KIF26A: variants seen among roughly 807,000 people sequenced by gnomAD.
The protein encoded by KIF26A is kinesin-like protein KIF26A.
A neutral mutation model predicts 126.0 loss-of-function variants in KIF26A; 74 were observed. The observed-to-expected ratio is 0.59, with a 90% CI of 0.49 to 0.71. The LOEUF (loss-of-function observed/expected upper bound fraction) is 0.71. Among genes scored for constraint, KIF26A ranks in the 30% least tolerant of loss-of-function variants. The pLI is 0.00. For synonymous variants in KIF26A, 1,445 were observed against 1,232.7 expected, an observed-to-expected ratio of 1.17 and a Z score of -3.61; for missense variants, 2,984 against 2,763.3, an observed-to-expected ratio of 1.08 and a Z score of -1.79.
chr14:104,167,055 G>A lies in KIF26A; in HGVS notation c.1113+7G>A, dbSNP rs183658978. The stretch of plus-strand genomic sequence containing the variant: ...CCCTGGCAGCATCGGGAAGGTAGAC[G>A]CAGCCCCGAGTTCGGGGCCCTGGGT... On this transcript the variant is annotated splice_region_variant and intron_variant, in intron 5 of 14. Coordinates refer to ENST00000423312, the MANE Select transcript of KIF26A (RefSeq NM_015656.2). 1.0e-3 allele frequency: 1,551 copies of A among 1,529,248 alleles called. 10 individuals carry two copies. In the African/African-American group the frequency reaches 0.016, roughly 16 times the overall value. The allele number at this position is 1,529,248 out of a possible 1,614,324, so 94.7% of individuals were successfully genotyped here.
chr14:104,163,804 C>T (rs1411388899), intron 4 of KIF26A, among the ~76,000 whole-genome samples: 9 of 151,892 alleles, frequency 5.9e-5, no homozygotes, highest in African/African-American at 7.2e-5. Flanking sequence ...CACCCGGCAT[C>T]GCCAGCATTT....
At chr14:104,178,464 C>T (rs556932226) in intron 12 of KIF26A, 86 bp from the exon 13 acceptor site, 484 of 1,032,212 alleles carry the variant, frequency 4.7e-4, no homozygotes, top group Middle Eastern at 1.7e-3. Flanking sequence ...TGTCAGGACT[C>T]GGGCCGGCTC....
Position 104,171,706 on chromosome 14 carries a change from G to A in KIF26A, c.1114-17G>A, listed in dbSNP as rs778311000. The A allele has an allele frequency of 3.0e-5, 46 of 1,544,542 alleles. No individual in the cohort carries two copies. Among genetic ancestry groups the A allele is most frequent in the Non-Finnish European group, 3.9e-5 (45 of 1,143,804 alleles). On this transcript the variant is annotated splice_polypyrimidine_tract_variant and intron_variant, in intron 5 of 14. Transcript: ENST00000423312. ...GGGCGGAGGCAGCTTCTCAGGTGCC[G>A]CCCACCTCTGCCCCAGGTGAAGGTT...
At chr14:104,146,214 G>A (rs554367755) in intron 2 of KIF26A, among the ~76,000 whole-genome samples, 1 of 152,344 alleles carries the variant, frequency 6.6e-6, no homozygotes, top group Admixed American at 6.5e-5. Flanking sequence ...GGCCCCTAGG[G>A]CTGTGCAGGG....
chr14:104,146,766 T>C (rs2037684003), intron 2 of KIF26A, among the ~76,000 whole-genome samples: 1 of 151,808 alleles, frequency 6.6e-6, no homozygotes, highest in Non-Finnish European at 1.5e-5. Context: ...GGGGTGAGGG[T>C]CTCCAAGGGG....
Position 104,173,153 on chromosome 14 carries a change from C to A in KIF26A, c.1597C>A (p.Leu533Met). Residue 533 changes from leucine to methionine, a missense_variant, in exon 8 of 15, where the codon CTG becomes ATG. Physicochemically the swap from Leu to Met is conservative, Grantham distance 15. Transcript: ENST00000423312. ...CGGGCGCGACCAGAGCCTGCGGGACCTGCTGGCCGAGGTGGCCCCTGGCAG... is the reference window on the plus strand; with the variant it reads ...CGGGCGCGACCAGAGCCTGCGGGACATGCTGGCCGAGGTGGCCCCTGGCAG... ...VCGRDQSLRD[L>M]LAEVAPGSLQ... The A allele has an allele frequency of 6.2e-7, 1 of 1,611,112 alleles. No homozygotes were observed. Among genetic ancestry groups the A allele is most frequent in the Non-Finnish European group, 8.5e-7 (1 of 1,179,304 alleles).
At chr14:104,169,603 T>A (rs2037938658) in intron 5 of KIF26A, among the ~76,000 whole-genome samples, 1 of 152,236 alleles carries the variant, frequency 6.6e-6, no homozygotes, top group African/African-American at 2.4e-5. Flanking sequence ...AAATGCCGCC[T>A]GAAAGGCGTT....
intron 12 of KIF26A, among the ~76,000 whole-genome samples, 174 bp from the exon 13 acceptor site, chr14:104,178,376 G>T (rs1252077289): frequency 6.6e-6 from 1 of 152,112 alleles, no homozygotes; most frequent in Non-Finnish European, 1.5e-5. Context: ...CTGTGGGCCT[G>T]GCTTGGGGTC....
At chr14:104,158,033 G>T (rs1294157624) in intron 4 of KIF26A, 91 bp downstream of exon 4, 2 of 1,236,420 alleles carry the variant, frequency 1.6e-6, no homozygotes, top group Non-Finnish European at 2.2e-6. Context: ...GTTCTTGGGG[G>T]ACCTCGGGCA....
chr14:104,159,931 G>A (rs2037818058), intron 4 of KIF26A, among the ~76,000 whole-genome samples: 1 of 152,166 alleles, frequency 6.6e-6, no homozygotes, highest in Non-Finnish European at 1.5e-5. Flanking sequence ...GTGGCTCTGA[G>A]TGGGGACGAG....
intron 4 of KIF26A, among the ~76,000 whole-genome samples, chr14:104,160,011 G>C (rs2037818826): frequency 6.6e-6 from 1 of 152,144 alleles, no homozygotes; most frequent in African/African-American, 2.4e-5. Context: ...GGTACCTTCT[G>C]TGCTCCCACC....
chr14:104,179,153 G>T (rs1030475185), intron 13 of KIF26A, 83 bp from the exon 14 acceptor site: 4 of 1,359,748 alleles, frequency 2.9e-6, no homozygotes, highest in Non-Finnish European at 3.8e-6. Context: ...CAGGTGAAGG[G>T]AGGCGGGGGC....
chr14:104,174,950 T>C, intron 11 of KIF26A, 32 bp from the exon 12 acceptor site: 1 of 1,488,976 alleles, frequency 6.7e-7, no homozygotes, highest in South Asian at 1.3e-5. Context: ...TAGGGGAGAC[T>C]GGGCTCGGCA....
intron 5 of KIF26A, among the ~76,000 whole-genome samples, chr14:104,170,335 A>G (rs528925827): frequency 6.6e-6 from 1 of 152,366 alleles, no homozygotes; most frequent in East Asian, 1.9e-4. Flanking sequence ...AATGGAGCCC[A>G]GGTTCTGAGT....
Position 104,166,929 on chromosome 14 carries a change from G to A in KIF26A, c.994G>A (p.Gly332Ser), listed in dbSNP as rs369207171. The A allele has an allele frequency of 4.8e-4, 770 of 1,593,666 alleles. No homozygotes were observed. The highest frequency in any genetic ancestry group is 7.4e-4 in the South Asian group (65 of 87,728). The change falls in exon 5 of 15, where the codon GGC (glycine) becomes AGC (serine). Residue 332 changes from glycine (G) to serine (S), a missense_variant. Physicochemically the swap from Gly to Ser is moderately conservative, Grantham distance 56. Coordinates refer to ENST00000423312, the MANE Select transcript of KIF26A (RefSeq NM_015656.2). ...PHPPPPPATR[G>S]TSTYPTDFSG... ...CCCGCCACCGCCTCCAGCCACCCGC[G>A]GCACCTCCACCTACCCCACCGACTT...
chr14:104,162,207 T>C (rs1166079990), intron 4 of KIF26A, among the ~76,000 whole-genome samples: 1 of 152,168 alleles, frequency 6.6e-6, no homozygotes, highest in Non-Finnish European at 1.5e-5. Context: ...CCCAGCAGGC[T>C]GGGGTGCAGC....
At chr14:104,155,062 C>T (rs1378690562) in intron 3 of KIF26A, among the ~76,000 whole-genome samples, 3 of 152,270 alleles carry the variant, frequency 2.0e-5, no homozygotes, top group East Asian at 1.9e-4. Flanking sequence ...TGGGCGAGTC[C>T]GCCCCATGGG....
chr14:104,179,674 G>A lies in KIF26A; in HGVS notation c.5533G>A (p.Ala1845Thr), dbSNP rs2038079722. ...CCTGGCGGCCCTGGAGCGAGCCACG[G>A]CGGCCCTGGAGCAGTGCGTGAACCT... The part of the protein sequence containing the change: ...EYLAALERAT[A>T]ALEQCVNLCK... The change falls in exon 15 of 15, where the codon GCG (alanine) becomes ACG (threonine). Residue 1845 changes from alanine to threonine, a missense_variant. Transcript: ENST00000423312. The A allele has an allele frequency of 9.0e-6, 14 of 1,548,714 alleles. No individual in the cohort carries two copies. Among genetic ancestry groups the A allele is most frequent in the African/African-American group, 1.4e-5 (1 of 73,078 alleles).
Position 104,175,870 on chromosome 14 carries a change from G to A in KIF26A, c.3082G>A (p.Gly1028Ser), listed in dbSNP as rs999916744. 11 of 1,539,886 alleles carry A rather than the reference G, an allele frequency of 7.1e-6. No homozygotes were observed. Among genetic ancestry groups the A allele is most frequent in the East Asian group, 2.4e-5 (1 of 41,138 alleles). ...VTLQRPVELNGEDELVFTVVE... is the reference protein window; with the variant it reads ...VTLQRPVELNSEDELVFTVVE... ...CCTGCAGCGGCCAGTGGAGCTCAACGGCGAGGACGAGCTGGTGTTCACGGT... is the reference window on the plus strand; with the variant it reads ...CCTGCAGCGGCCAGTGGAGCTCAACAGCGAGGACGAGCTGGTGTTCACGGT... The change falls in exon 12 of 15, where the codon GGC becomes AGC. Residue 1028 changes from glycine (G) to serine (S), a missense_variant. Transcript: ENST00000423312.
Sources: allele counts gnomAD v4.1 joint callset (sites outside exome capture counted in the v4.1 genomes callset), GRCh38; gene constraint gnomAD v4.1.1; transcripts MANE v1.5; gene names NCBI Gene and HGNC (gene_info 2026-07-23, HGNC 2026-07-21).